ZBTB20: variants seen among roughly 807,000 people sequenced by gnomAD.
ZBTB20 encodes zinc finger and BTB domain containing 20.
A neutral mutation model predicts 56.9 loss-of-function variants in ZBTB20; 9 were observed. The ratio of observed to expected loss-of-function variants is 0.16; its 90% CI spans 0.10 to 0.28. The LOEUF (loss-of-function observed/expected upper bound fraction) is 0.28, where lower values mean the gene tolerates loss of function less well. ZBTB20 is among the 10% of genes least tolerant of loss of function. The pLI is 1.00. For missense variants in ZBTB20, 655 were observed against 1,003.0 expected (o/e 0.65, Z 4.69); for synonymous variants, 417 against 420.7 (o/e 0.99, Z 0.11).
chr3:115,084,958 T>G (rs1346572229), intron 1 of ZBTB20, among the ~76,000 whole-genome samples: 2 of 151,986 alleles, frequency 1.3e-5, no homozygotes, highest in African/African-American at 4.8e-5. Context: ...TACTTAACGC[T>G]TTCCTGTTTT....
At chr3:114,912,147 C>T (rs1344709002) in intron 3 of ZBTB20, among the ~76,000 whole-genome samples, 10 of 140,802 alleles carry the variant, frequency 7.1e-5, no homozygotes, top group Admixed American at 7.1e-4. Flanking sequence ...AAAAAAAAAC[C>T]TGCCAAATAA....
At chr3:114,768,522 A>T (rs942744882) in intron 5 of ZBTB20, among the ~76,000 whole-genome samples, 1 of 152,156 alleles carries the variant, frequency 6.6e-6, no homozygotes, top group Non-Finnish European at 1.5e-5. Context: ...AATTACAAGG[A>T]GACTCTGCAA....
chr3:114,959,744 CACACACACTT>C (rs983837544), intron 3 of ZBTB20, among the ~76,000 whole-genome samples: 5 of 151,094 alleles, frequency 3.3e-5, no homozygotes, highest in African/African-American at 1.2e-4. Context: ...CACACACACA[CACACACACTT>C]GGAGACTCTC....
intron 7 of ZBTB20, among the ~76,000 whole-genome samples, chr3:114,399,471 AAC>A (rs2086628225): frequency 1.3e-5 from 2 of 152,292 alleles, no homozygotes; most frequent in African/African-American, 2.4e-5. Context: ...TAAAATTCGT[AAC>A]AGTGTATCAG....
intron 6 of ZBTB20, among the ~76,000 whole-genome samples, chr3:114,531,101 T>C (rs558126046): frequency 6.6e-6 from 1 of 152,334 alleles, no homozygotes; most frequent in South Asian, 2.1e-4. Context: ...CTGTATTGCC[T>C]ATAGTATCCT....
intron 6 of ZBTB20, among the ~76,000 whole-genome samples, chr3:114,647,019 C>T (rs143267940): frequency 0.059 from 8,967 of 151,902 alleles, 349 homozygotes; most frequent in Middle Eastern, 0.15. Context: ...AGTGCAGTGG[C>T]GCGATCTTGG....
At chr3:114,858,102 A>G (rs1411788867) in intron 4 of ZBTB20, among the ~76,000 whole-genome samples, 1 of 152,254 alleles carries the variant, frequency 6.6e-6, no homozygotes, top group Non-Finnish European at 1.5e-5. Context: ...GTCTTCATTC[A>G]TAAAACAAGC....
chr3:114,746,433 T>C (rs566607206), intron 5 of ZBTB20, among the ~76,000 whole-genome samples: 1 of 152,272 alleles, frequency 6.6e-6, no homozygotes, highest in East Asian at 1.9e-4. Context: ...TTCGTTCTAG[T>C]AGAATTTGGC....
chr3:114,724,154 T>A (rs983802935), intron 5 of ZBTB20, among the ~76,000 whole-genome samples: 1 of 152,180 alleles, frequency 6.6e-6, no homozygotes, highest in Middle Eastern at 3.4e-3. Flanking sequence ...ATTACAGGTG[T>A]GAGCCACCGC....
intron 1 of ZBTB20, among the ~76,000 whole-genome samples, chr3:115,114,876 T>C (rs1205534318): frequency 6.6e-6 from 1 of 152,082 alleles, no homozygotes; most frequent in Non-Finnish European, 1.5e-5. Context: ...TCACCTGTCA[T>C]AACAGAAAAG....
intron 2 of ZBTB20, among the ~76,000 whole-genome samples, chr3:115,034,532 G>T (rs1404112349): frequency 6.6e-6 from 1 of 151,486 alleles, no homozygotes; most frequent in Non-Finnish European, 1.5e-5. Context: ...ATTAACCAAA[G>T]AAATAAAATT....
chr3:115,147,080 A>G (rs1269964535), intron 1 of ZBTB20, 139 bp downstream of exon 1: 1 of 134,310 alleles, frequency 7.4e-6, no homozygotes, highest in South Asian at 2.5e-4. Context: ...CGCTCCCCCA[A>G]CCCCACCCCG....
At chr3:114,751,683 A>G (rs527969645) in intron 5 of ZBTB20, among the ~76,000 whole-genome samples, 1 of 152,280 alleles carries the variant, frequency 6.6e-6, no homozygotes, top group South Asian at 2.1e-4. Flanking sequence ...TTCTTTTAAT[A>G]AAACAAACCA....
At chr3:114,670,091 A>AT (rs1281503907) in intron 6 of ZBTB20, among the ~76,000 whole-genome samples, 3 of 152,110 alleles carry the variant, frequency 2.0e-5, no homozygotes, top group East Asian at 1.9e-4. Flanking sequence ...GACAACACAT[A>AT]TTTTTCTAAT....
intron 4 of ZBTB20, among the ~76,000 whole-genome samples, chr3:114,824,722 A>G (rs2073432454): frequency 1.3e-5 from 2 of 151,970 alleles, no homozygotes; most frequent in African/African-American, 2.4e-5. Context: ...ACCACAGAAA[A>G]TAGAAGCTCA....
At chr3:114,350,212 C>T (rs2080546368) in intron 11 of ZBTB20, 62 bp downstream of exon 11, 3 of 1,537,964 alleles carry the variant, frequency 2.0e-6, no homozygotes, top group African/African-American at 2.8e-5. Context: ...TGCTCTCTTA[C>T]CTTGCCTTCC....
At chr3:114,625,339 T>C (rs2058597504) in intron 6 of ZBTB20, among the ~76,000 whole-genome samples, 2 of 152,220 alleles carry the variant, frequency 1.3e-5, no homozygotes, top group Admixed American at 6.5e-5. Flanking sequence ...TTAAGGTTTC[T>C]GAAATGTCTT....
At chr3:114,482,944 T>C (rs1388291375) in intron 7 of ZBTB20, among the ~76,000 whole-genome samples, 1 of 152,236 alleles carries the variant, frequency 6.6e-6, no homozygotes, top group Non-Finnish European at 1.5e-5. Context: ...CTGTATGCTT[T>C]ATACTATAGA....
chr3:114,888,302 A>G (rs2076681228), intron 4 of ZBTB20, among the ~76,000 whole-genome samples: 1 of 152,040 alleles, frequency 6.6e-6, no homozygotes. Context: ...GCACACCTGT[A>G]GTCCCAGCTA....
Sources: gnomAD v4.1 joint callset for allele counts (sites outside exome capture counted in the v4.1 genomes callset) on GRCh38, gnomAD v4.1.1 for gene constraint, MANE v1.5 for transcripts, NCBI Gene and HGNC (gene_info 2026-07-23, HGNC 2026-07-21) for gene names.